The following DPYSL5 variants were observed in gnomAD, a reference collection of about 807,000 sequenced individuals.
The protein encoded by DPYSL5 is dihydropyrimidinase like 5.
Under a neutral mutation model 58.4 loss-of-function variants are expected in DPYSL5, and 9 were observed. The observed-to-expected ratio is 0.15, with a 90% CI of 0.09 to 0.27. DPYSL5 has a LOEUF of 0.27. Among genes scored for constraint, DPYSL5 ranks in the 10% least tolerant of loss-of-function variants. The pLI is 1.00. For missense variants in DPYSL5, 499 were observed against 770.6 expected, an observed-to-expected ratio of 0.65 and a Z score of 4.17; for synonymous variants, 293 against 301.9, an observed-to-expected ratio of 0.97 and a Z score of 0.31.
intron 2 of DPYSL5, among the ~76,000 whole-genome samples, chr2:26,904,285 C>T (rs1664236535): frequency 6.6e-6 from 1 of 152,188 alleles, no homozygotes; most frequent in Non-Finnish European, 1.5e-5. Flanking sequence ...CACCAAGGAT[C>T]CTGTTTGTCC....
At chr2:26,932,137 GAGAAAGAA>G (rs531719106) in intron 6 of DPYSL5, among the ~76,000 whole-genome samples, 655 of 59,580 alleles carry the variant, frequency 0.011, 31 homozygotes, top group African/African-American at 0.017. Flanking sequence ...AAGAAAGAAA[GAGAAAGAA>G]AGAAAGAAAG....
At position 26,942,618 on chromosome 2, in the gene DPYSL5, A is replaced by G. The variant is rs2148176927; in HGVS notation, c.1308A>G (p.Pro436=). The G allele has an allele frequency of 6.2e-7, 1 of 1,614,164 alleles. No individual in the cohort carries two copies. The highest frequency in any genetic ancestry group is 8.5e-7 in the Non-Finnish European group (1 of 1,180,030). Residue 436 remains proline, a synonymous_variant, in exon 11 of 13, where the codon CCA becomes CCG. Transcript: ENST00000288699. The surrounding 1 kb of genome is among the most constrained non-coding windows in gnomAD (Gnocchi z 5.9). ...AGAACATGCGCTGCCACGGCGTGCCACTGGTCACCATCAGCCGGGGGCGCG... is the reference window on the plus strand; with the variant it reads ...AGAACATGCGCTGCCACGGCGTGCCGCTGGTCACCATCAGCCGGGGGCGCG... ...LYENMRCHGV[P]LVTISRGRVV... is the part of the protein sequence containing the mutation.
intron 5 of DPYSL5, among the ~76,000 whole-genome samples, chr2:26,929,511 C>T (rs1274984497): frequency 1.3e-5 from 2 of 152,152 alleles, no homozygotes. Flanking sequence ...GGATTACAGG[C>T]GTGAGCCACC....
chr2:26,891,480 T>C (rs773429054), intron 1 of DPYSL5, among the ~76,000 whole-genome samples: 3 of 151,762 alleles, frequency 2.0e-5, no homozygotes, highest in Admixed American at 6.6e-5. Flanking sequence ...GACTTCCAAC[T>C]AGGAAGTGGA....
At chr2:26,875,463 G>A (rs538283306) in intron 1 of DPYSL5, among the ~76,000 whole-genome samples, 14 of 152,346 alleles carry the variant, frequency 9.2e-5, no homozygotes, top group Middle Eastern at 3.4e-3. Context: ...AAGGTGATGG[G>A]CAACCACAAA....
intron 1 of DPYSL5, among the ~76,000 whole-genome samples, chr2:26,857,487 C>G (rs369180947): frequency 6.6e-6 from 1 of 151,842 alleles, no homozygotes; most frequent in Admixed American, 6.6e-5. Flanking sequence ...TTGCAGTGAG[C>G]CGAGATTGCT....
At chr2:26,943,140 G>A (rs892386207) in intron 11 of DPYSL5, among the ~76,000 whole-genome samples, 2 of 152,080 alleles carry the variant, frequency 1.3e-5, no homozygotes, top group East Asian at 1.9e-4. Flanking sequence ...AAGCAAGCGG[G>A]GGGTAGAGCT....
chr2:26,931,008 G>A (rs1041264234), intron 5 of DPYSL5, among the ~76,000 whole-genome samples: 8 of 149,428 alleles, frequency 5.4e-5, no homozygotes, highest in Non-Finnish European at 8.9e-5. Flanking sequence ...GCATGGTAGC[G>A]CATGCCTGTA....
intron 2 of DPYSL5, among the ~76,000 whole-genome samples, chr2:26,912,450 G>A (rs1311651703): frequency 6.6e-6 from 1 of 152,182 alleles, no homozygotes; most frequent in Non-Finnish European, 1.5e-5. Context: ...GGCATCCGTG[G>A]GTAGCCTGGA....
chr2:26,864,769 G>A (rs1309504477), intron 1 of DPYSL5, among the ~76,000 whole-genome samples: 2 of 152,212 alleles, frequency 1.3e-5, no homozygotes, highest in African/African-American at 4.8e-5. Flanking sequence ...GCCTGTGAGA[G>A]CAGGGAGGCT....
intron 2 of DPYSL5, among the ~76,000 whole-genome samples, chr2:26,917,083 GT>G (rs1664582331): frequency 6.6e-6 from 1 of 152,124 alleles, no homozygotes; most frequent in Non-Finnish European, 1.5e-5. Context: ...TACTATCTCC[GT>G]TTTACAAATG....
In DPYSL5 at chr2:26,942,224, C is replaced by A. The variant is rs1665341329; in HGVS notation, c.1232+132C>A. 1 of 1,310,948 alleles carries A rather than the reference C, an allele frequency of 7.6e-7. No homozygotes were observed. The highest frequency in any genetic ancestry group is 1.0e-6 in the Non-Finnish European group (1 of 955,684). 81.2% of individuals were successfully genotyped at this position (1,310,948 alleles called of 1,614,324 possible). A position where few individuals can be genotyped will look rare whatever the true frequency, so the allele number is the denominator to read the frequency against. On this transcript the variant is annotated intron_variant, in intron 10 of 12. Transcript: ENST00000288699. This position sits in a 1 kb window ranked among gnomAD's most constrained non-coding sequence, Gnocchi z 5.9. ...AATATGGCCCTGGCCTACCGTTGGC[C>A]ATCTTCTCCCTCCATCTTCACACAG...
At chr2:26,900,760 A>G (rs1664138559) in intron 2 of DPYSL5, among the ~76,000 whole-genome samples, 1 of 152,178 alleles carries the variant, frequency 6.6e-6, no homozygotes, top group African/African-American at 2.4e-5. Context: ...TCTGGGGTCC[A>G]TTCTGTAGCA....
chr2:26,882,842 G>A (rs1353084929), intron 1 of DPYSL5, among the ~76,000 whole-genome samples: 1 of 151,414 alleles, frequency 6.6e-6, no homozygotes, highest in Non-Finnish European at 1.5e-5. Context: ...GAACCCAGGA[G>A]GCAGAGGTTG....
chr2:26,901,109 C>T (rs72851823), intron 2 of DPYSL5, among the ~76,000 whole-genome samples: 1,616 of 152,192 alleles, frequency 0.011, 31 homozygotes, highest in African/African-American at 0.032. Context: ...CCCTGTGTGA[C>T]GAAAGGCCCC....
chr2:26,850,295 G>T (rs1665718761), intron 1 of DPYSL5, among the ~76,000 whole-genome samples: 1 of 152,100 alleles, frequency 6.6e-6, no homozygotes, highest in African/African-American at 2.4e-5. Flanking sequence ...TGTGATAGGC[G>T]CTGCTTGCCC....
intron 2 of DPYSL5, among the ~76,000 whole-genome samples, chr2:26,910,635 T>TTC (rs1664414616): frequency 6.7e-6 from 1 of 148,732 alleles, no homozygotes; most frequent in Non-Finnish European, 1.5e-5. Flanking sequence ...TTTTTTTTTT[T>TTC]AGTAGAGACA....
chr2:26,864,115 C>T (rs914296742), intron 1 of DPYSL5, among the ~76,000 whole-genome samples: 3 of 152,194 alleles, frequency 2.0e-5, no homozygotes, highest in East Asian at 1.9e-4. Context: ...TGTAGTGGTG[C>T]GCGCCTGTAG....
chr2:26,906,132 C>T (rs1278223360), intron 2 of DPYSL5, among the ~76,000 whole-genome samples: 1 of 152,020 alleles, frequency 6.6e-6, no homozygotes, highest in Non-Finnish European at 1.5e-5. Context: ...TCAAGTCTCT[C>T]TCCTGTTTCA....
Sources: gnomAD v4.1 joint callset for allele counts (sites outside exome capture counted in the v4.1 genomes callset) on GRCh38, gnomAD v4.1.1 for gene constraint, Gnocchi (gnomAD v3.1) non-coding constraint, MANE v1.5 for transcripts, NCBI Gene and HGNC (gene_info 2026-07-23, HGNC 2026-07-21) for gene names.